PCM1: variants seen among roughly 807,000 people sequenced by gnomAD.
PCM1 encodes the protein pericentriolar material 1, also known as pericentriolar material 1 protein.
Under a neutral mutation model 241.9 loss-of-function variants are expected in PCM1, and 157 were observed. The ratio of observed to expected loss-of-function variants is 0.65; its 90% CI spans 0.57 to 0.74. PCM1 has a LOEUF of 0.74. PCM1 is among the 30% of genes least tolerant of loss of function. PCM1 has a pLI of 0.00. For synonymous variants in PCM1, 1,085 were observed against 784.9 expected, an observed-to-expected ratio of 1.38 and a Z score of -6.39; for missense variants, 3,478 against 2,360.1, an observed-to-expected ratio of 1.47 and a Z score of -9.81.
chr8:17,924,584 T>G (rs998188610), intron 1 of PCM1, 129 bp from the exon 2 acceptor site: 12 of 152,226 alleles, frequency 7.9e-5, no homozygotes, highest in African/African-American at 2.9e-4. Flanking sequence ...AAAATATGAA[T>G]AAGTTATATT....
At chr8:17,964,846 T>G in intron 18 of PCM1, 78 bp downstream of exon 18, 6 of 1,022,926 alleles carry the variant, frequency 5.9e-6, no homozygotes, top group South Asian at 2.7e-5. Flanking sequence ...ACTTCTGCAG[T>G]TCTCCAAGCC....
rs372674902 is a variant in PCM1, at chr8:18,019,361, C to T, written c.5841+4521C>T. Among the ~76,000 whole-genome samples the T allele has an allele frequency of 5.3e-5, 8 of 152,258 alleles. No homozygotes were observed. The East Asian group carries it at 1.5e-3, about 29-fold the overall frequency. ...CCTTTTTGGCACCAGGGACTGGTTT[C>T]ATGGAAGACAATTTTTCCATGGACT... is the stretch of plus-strand genomic sequence containing the variant. On this transcript the variant is annotated intron_variant, in intron 36 of 38. Transcript: ENST00000325083.
rs200908962 is a variant in PCM1 at position 18,028,458 on chromosome 8, C to CTT, written c.*797_*798dup. 831 of 193,706 alleles carry CTT rather than the reference C, an allele frequency of 4.3e-3. 7 individuals are homozygous for CTT. Among genetic ancestry groups the CTT allele is most frequent in the African/African-American group, 0.017 (756 of 43,224 alleles). 12.0% of individuals were successfully genotyped at this position (193,706 alleles called of 1,614,324 possible). ...ATTGTGGTTAATTTTAAATGAAAAA[C>CTT]TTAACTTTTTCAAGTGGGGATAAAT... On this transcript the variant is annotated 3_prime_UTR_variant, in exon 39 of 39. Coordinates refer to ENST00000325083, the MANE Select transcript of PCM1 (RefSeq NM_006197.4).
intron 23 of PCM1, among the ~76,000 whole-genome samples, chr8:17,973,659 G>A (rs192233328): frequency 1.3e-5 from 2 of 151,692 alleles, no homozygotes; most frequent in African/African-American, 4.8e-5. Context: ...AGAGGTTGCA[G>A]TGAGCCAACA....
chr8:17,960,527 G>GTTTTTGTTTTTTTTTTTTTT, intron 15 of PCM1, 83 bp downstream of exon 15: 1 of 412,976 alleles, frequency 2.4e-6, no homozygotes. Context: ...TTTTGTTTTT[G>GTTTTTGTTTTTTTTTTTTTT]TTTTTCTTTT....
intron 24 of PCM1, among the ~76,000 whole-genome samples, chr8:17,982,274 A>G (rs754677115): frequency 6.6e-6 from 1 of 152,150 alleles, no homozygotes; most frequent in Non-Finnish European, 1.5e-5. Flanking sequence ...CCAAATAGTG[A>G]TATCTTCAAA....
chr8:17,985,351 A>T, intron 24 of PCM1, 96 bp from the exon 25 acceptor site: 1 of 732,786 alleles, frequency 1.4e-6, no homozygotes, highest in Non-Finnish European at 2.1e-6. Flanking sequence ...TAGAATTTTT[A>T]GATAATTTAA....
At chr8:17,954,912 C>T (rs117777619) in intron 9 of PCM1, among the ~76,000 whole-genome samples, 2,563 of 152,162 alleles carry the variant, frequency 0.017, 40 homozygotes, top group South Asian at 0.043. Flanking sequence ...ACCACAGTCA[C>T]TTTTAACACT....
intron 6 of PCM1, among the ~76,000 whole-genome samples, chr8:17,945,305 G>A (rs1396621328): frequency 6.6e-6 from 1 of 152,130 alleles, no homozygotes; most frequent in African/African-American, 2.4e-5. Flanking sequence ...GGATAGGAGA[G>A]AACTGAGTAA....
chr8:17,969,664 C>A lies in PCM1; in HGVS notation c.3500C>A (p.Ala1167Asp). The A allele has an allele frequency of 1.2e-6, 2 of 1,612,692 alleles. No individual in the cohort carries two copies. The highest frequency in any genetic ancestry group is 1.7e-6 in the Non-Finnish European group (2 of 1,178,852). ...CCCAGTGAACAGCAGCAACCCTTAGCCCAGAATTCTTCAGGAAAAACAGAA... is the reference window on the plus strand; with the variant it reads ...CCCAGTGAACAGCAGCAACCCTTAGACCAGAATTCTTCAGGAAAAACAGAA... ...STPSEQQQPL[A>D]QNSSGKTEYM... The change falls in exon 22 of 39, where the codon GCC becomes GAC. Residue 1167 changes from alanine to aspartate, a missense_variant. By Grantham distance (126) the Ala-to-Asp change is moderately radical. Transcript: ENST00000325083.
chr8:17,945,856 A>G (rs1268983626), intron 6 of PCM1, among the ~76,000 whole-genome samples: 1 of 152,182 alleles, frequency 6.6e-6, no homozygotes, highest in East Asian at 1.9e-4. Flanking sequence ...AAATTTACAT[A>G]ACCCGACAAA....
chr8:18,018,798 A>G (rs2093464379), intron 36 of PCM1, among the ~76,000 whole-genome samples: 4 of 147,892 alleles, frequency 2.7e-5, no homozygotes, highest in Admixed American at 1.4e-4. Flanking sequence ...CCACAGAGCC[A>G]GATTCCGTCT....
intron 2 of PCM1, chr8:17,926,447 C>G (rs1454530935): frequency 6.6e-6 from 1 of 152,150 alleles, no homozygotes; most frequent in African/African-American, 2.4e-5. Context: ...AAACAGTGTG[C>G]AAAACAGACA....
rs1337077984 is a variant in PCM1 at position 18,029,593 on chromosome 8, T to G, written c.*1931T>G. ...TTATCAAAATTGCTTATTTGACTGG[T>G]GTTACAGCTGCTATTAATCTAAGTC... On this transcript the variant is annotated 3_prime_UTR_variant, in exon 39 of 39. Transcript: ENST00000325083. 8 of 205,192 alleles carry G rather than the reference T, an allele frequency of 3.9e-5. No individual in the cohort carries two copies. The highest frequency in any genetic ancestry group is 8.0e-5 in the Non-Finnish European group (8 of 100,048). The allele number at this position is 205,192 out of a possible 1,614,324, so 12.7% of individuals were successfully genotyped here.
Position 17,961,964 on chromosome 8 carries a change from G to C in PCM1, c.2323-70G>C, listed in dbSNP as rs560573887. 4.5e-4 allele frequency: 639 copies of C among 1,416,080 alleles called. 1 individual carries two copies. Among genetic ancestry groups the C allele is most frequent in the Non-Finnish European group, 5.5e-4 (576 of 1,041,524 alleles). The allele number at this position is 1,416,080 out of a possible 1,614,324, so 87.7% of individuals were successfully genotyped here. A position where few individuals can be genotyped will look rare whatever the true frequency, so the allele number is the denominator to read the frequency against. ...CTAGAGCCTTAGTGCCATATTTAAA[G>C]TAACTGCTTTTATGAAATTAATATA... On this transcript the variant is annotated intron_variant, in intron 15 of 38. Transcript: ENST00000325083.
At chr8:17,943,792 A>C (rs189425307) in intron 6 of PCM1, among the ~76,000 whole-genome samples, 3 of 152,156 alleles carry the variant, frequency 2.0e-5, no homozygotes, top group Admixed American at 2.0e-4. Flanking sequence ...TGTCATTCTT[A>C]CCACCCCACC....
intron 28 of PCM1, among the ~76,000 whole-genome samples, chr8:17,992,410 A>T (rs190698287): frequency 6.6e-6 from 1 of 152,034 alleles, no homozygotes; most frequent in East Asian, 1.9e-4. Context: ...ACTAACATCT[A>T]TTATTTTTTG....
At position 17,966,064 on chromosome 8, in the gene PCM1, A is replaced by G; in HGVS notation, c.2921A>G (p.Gln974Arg). 1 of 1,613,914 alleles carries G rather than the reference A, an allele frequency of 6.2e-7. No homozygotes were observed. The highest frequency in any genetic ancestry group is 8.5e-7 in the Non-Finnish European group (1 of 1,179,852). ...CGTCCTTTAGCCAAGACAAGGCAACAGAATATCAGCATGCAACGGCAAGAA... is the reference window on the plus strand; with the variant it reads ...CGTCCTTTAGCCAAGACAAGGCAACGGAATATCAGCATGCAACGGCAAGAA... Reference protein sequence around the residue: ...NYRPLAKTRQQNISMQRQENL... With the variant: ...NYRPLAKTRQRNISMQRQENL... The change falls in exon 19 of 39, where the codon CAG becomes CGG. Residue 974 changes from glutamine (Q) to arginine (R), a missense_variant. Physicochemically the swap from Gln to Arg is conservative, Grantham distance 43. Transcript: ENST00000325083.
intron 6 of PCM1, among the ~76,000 whole-genome samples, 191 bp from the exon 7 acceptor site, chr8:17,946,995 G>A (rs1348825127): frequency 6.6e-6 from 1 of 151,888 alleles, no homozygotes; most frequent in Non-Finnish European, 1.5e-5. Context: ...TACCTCTTAA[G>A]TGGCAGGCTA....
Sources: allele counts gnomAD v4.1 joint callset (sites outside exome capture counted in the v4.1 genomes callset), GRCh38; gene constraint gnomAD v4.1.1; transcripts MANE v1.5; gene names NCBI Gene and HGNC (gene_info 2026-07-23, HGNC 2026-07-21).